COL4A1: variants seen among roughly 807,000 people sequenced by gnomAD.
COL4A1 encodes the protein collagen alpha-1(IV) chain.
A neutral mutation model predicts 216.6 loss-of-function variants in COL4A1; 40 were observed. That is an observed-to-expected ratio of 0.18 (90% CI 0.14 to 0.24). The LOEUF (loss-of-function observed/expected upper bound fraction) is 0.24. Among genes scored for constraint, COL4A1 ranks in the 10% least tolerant of loss-of-function variants. The pLI, the probability that COL4A1 is intolerant of heterozygous loss-of-function variation, is 1.00. For missense variants in COL4A1, 1,628 were observed against 2,196.8 expected, an observed-to-expected ratio of 0.74 and a Z score of 5.18; for synonymous variants, 839 against 810.7, an observed-to-expected ratio of 1.03 and a Z score of -0.59.
chr13:110,174,846 A>G, intron 37 of COL4A1, 97 bp from the exon 38 acceptor site: 1 of 1,145,546 alleles, frequency 8.7e-7, no homozygotes, highest in Non-Finnish European at 1.3e-6. Context: ...GGTGCAATGA[A>G]TATTGCATTG....
intron 49 of COL4A1, among the ~76,000 whole-genome samples, chr13:110,158,690 T>C (rs1876913253): frequency 6.6e-6 from 1 of 152,146 alleles, no homozygotes; most frequent in South Asian, 2.1e-4. Context: ...CAAATGAATT[T>C]GTTCACTGGC....
chr13:110,155,141 G>T, intron 50 of COL4A1, 142 bp downstream of exon 50: 1 of 733,614 alleles, frequency 1.4e-6, no homozygotes, highest in Non-Finnish European at 2.5e-6. Flanking sequence ...GCATGCTTTG[G>T]AAGGGGATGG....
intron 1 of COL4A1, among the ~76,000 whole-genome samples, chr13:110,245,478 T>C (rs1004704251): frequency 7.2e-5 from 11 of 152,186 alleles, no homozygotes; most frequent in Non-Finnish European, 1.3e-4. Context: ...TGGCAGAAAC[T>C]CAACACCAGC....
intron 1 of COL4A1, among the ~76,000 whole-genome samples, chr13:110,293,569 G>C (rs771607957): frequency 2.6e-5 from 4 of 152,182 alleles, no homozygotes; most frequent in Non-Finnish European, 5.9e-5. Context: ...ATGGCAGATA[G>C]GCTCAGATAC....
At chr13:110,252,642 AT>A (rs1882175088) in intron 1 of COL4A1, among the ~76,000 whole-genome samples, 2 of 33,930 alleles carry the variant, frequency 5.9e-5, no homozygotes, top group African/African-American at 2.4e-4. Context: ...ATATATACTT[AT>A]ATACAAAATG....
intron 18 of COL4A1, 134 bp from the exon 19 acceptor site, chr13:110,201,656 G>A: frequency 1.2e-6 from 1 of 859,436 alleles, no homozygotes; most frequent in South Asian, 1.3e-5. Context: ...AGCAGCAATG[G>A]TAGCGGACAA....
At chr13:110,171,717 T>C (rs566499924) in intron 41 of COL4A1, among the ~76,000 whole-genome samples, 1 of 152,346 alleles carries the variant, frequency 6.6e-6, no homozygotes, top group South Asian at 2.1e-4. Context: ...CGCAAGGTGC[T>C]GCGTAGAGTT....
At chr13:110,219,051 C>T (rs1022379252) in intron 2 of COL4A1, among the ~76,000 whole-genome samples, 43 of 152,250 alleles carry the variant, frequency 2.8e-4, no homozygotes, top group African/African-American at 8.9e-4. Flanking sequence ...TGAATGCCGC[C>T]GCTGGGAAAG....
rs777499061 is a variant in COL4A1, at chr13:110,164,994, T to G, written c.4022-4A>C. Reference sequence around the variant, plus strand: ...GGGCCAGGAGGACCCGGGAGACCTGTGGGAATAGGGAAGGCATTGATCAAT... The same window carrying G: ...GGGCCAGGAGGACCCGGGAGACCTGGGGGAATAGGGAAGGCATTGATCAAT... On this transcript the variant is annotated splice_polypyrimidine_tract_variant and splice_region_variant and intron_variant, in intron 45 of 51. Transcript: ENST00000375820. 2 of 1,603,414 alleles carry G rather than the reference T, an allele frequency of 1.2e-6. No homozygotes were observed. The highest frequency in any genetic ancestry group is 1.7e-6 in the Non-Finnish European group (2 of 1,175,674).
At chr13:110,174,222 T>G (rs549316873) in intron 39 of COL4A1, among the ~76,000 whole-genome samples, 2 of 152,178 alleles carry the variant, frequency 1.3e-5, no homozygotes, top group Non-Finnish European at 2.9e-5. Flanking sequence ...AACTCCATGA[T>G]GGCCACAAAA....
At chr13:110,249,112 C>G (rs1881965725) in intron 1 of COL4A1, among the ~76,000 whole-genome samples, 1 of 151,988 alleles carries the variant, frequency 6.6e-6, no homozygotes, top group Admixed American at 6.6e-5. Context: ...TGTATGATCC[C>G]ATCATATGAA....
At chr13:110,187,867 C>G (rs1377562309) in intron 24 of COL4A1, among the ~76,000 whole-genome samples, 1 of 152,210 alleles carries the variant, frequency 6.6e-6, no homozygotes. Context: ...TACTCCTGTG[C>G]ATATTGAACA....
chr13:110,179,498 A>G (rs893778615), intron 29 of COL4A1, 77 bp from the exon 30 acceptor site: 18 of 1,596,122 alleles, frequency 1.1e-5, no homozygotes, highest in Middle Eastern at 1.7e-4. Context: ...GCGTAAGTGA[A>G]GACTTAACAG....
chr13:110,235,251 A>T (rs983705246), intron 2 of COL4A1, among the ~76,000 whole-genome samples: 6 of 152,222 alleles, frequency 3.9e-5, no homozygotes, highest in African/African-American at 1.4e-4. Context: ...CATGTGCTTG[A>T]GTAAAGAATT....
rs1555304093 is a variant in COL4A1, at chr13:110,186,368, A to G, written c.1897+17T>C. On this transcript the variant is annotated intron_variant, in intron 26 of 51. Coordinates refer to ENST00000375820, the MANE Select transcript of COL4A1 (RefSeq NM_001845.6). The stretch of plus-strand genomic sequence containing the variant: ...GTTTACAACTTCATGCTGCATCACG[A>G]GTTTCTCAGGCCTCACCTGGCAGGC... 6.2e-7 allele frequency: 1 copy of G among 1,612,436 alleles called. No homozygotes were observed. Among genetic ancestry groups the G allele is most frequent in the South Asian group, 1.1e-5 (1 of 90,938 alleles).
In COL4A1 at chr13:110,269,143, T is replaced by C. The variant is rs193251002; in HGVS notation, c.85-26409A>G. On this transcript the variant is annotated intron_variant, in intron 1 of 51. Transcript: ENST00000375820. ...AGTAAAGACATCAATGGAAAAATAA[T>C]TGTAGCATTTTAAGGAAAGTTCCAG... 2.8e-3 allele frequency among the ~76,000 whole-genome samples: 422 copies of C among 152,316 alleles called. 1 individual carries two copies. Among genetic ancestry groups the C allele is most frequent in the African/African-American group, 9.6e-3 (397 of 41,562 alleles).
intron 1 of COL4A1, among the ~76,000 whole-genome samples, chr13:110,287,497 A>G (rs1883890120): frequency 6.6e-6 from 1 of 152,252 alleles, no homozygotes; most frequent in African/African-American, 2.4e-5. Flanking sequence ...CCATTGGAAC[A>G]TGGAATGAAA....
At chr13:110,306,861 G>A (rs1363802249) in intron 1 of COL4A1, 83 bp downstream of exon 1, 15 of 1,262,820 alleles carry the variant, frequency 1.2e-5, no homozygotes, top group African/African-American at 3.1e-5. Flanking sequence ...GCAGGCGGAC[G>A]GGTCCAGGCG....
Position 110,210,011 on chromosome 13 carries a change from G to A in COL4A1, c.584C>T (p.Pro195Leu). 6.2e-7 allele frequency: 1 copy of A among 1,614,180 alleles called. No homozygotes were observed. The highest frequency in any genetic ancestry group is 1.1e-5 in the South Asian group (1 of 91,084). Residue 195 changes from proline to leucine, a missense_variant, in exon 10 of 52, where the codon CCT (proline) becomes CTT (leucine). Pro to Leu is a moderately conservative substitution (Grantham distance 98). Around this residue, in one of 8 missense-constraint regions of COL4A1, gnomAD observed 150 missense variants for 211.9 expected, o/e 0.71. Coordinates refer to ENST00000375820, the MANE Select transcript of COL4A1 (RefSeq NM_001845.6). ...TCCGGTAAATCCTGGAGGCCCAACA[G>A]GACCTTGAAGCCCTGGCAGTCCTGG... ...GPPGLPGLQGPVGPPGFTGPP... is the reference protein window; with the variant it reads ...GPPGLPGLQGLVGPPGFTGPP...
Sources: gnomAD v4.1 joint callset for allele counts (sites outside exome capture counted in the v4.1 genomes callset) on GRCh38, gnomAD v4.1.1 for gene constraint, gnomAD v4.1.1 regional missense constraint, MANE v1.5 for transcripts, NCBI Gene and HGNC (gene_info 2026-07-23, HGNC 2026-07-21) for gene names.